ABCA7: variants seen among roughly 807,000 people sequenced by gnomAD.
ABCA7 encodes ATP binding cassette subfamily A member 7.
In ABCA7, 261 loss-of-function variants were observed where a neutral mutation model predicts 227.6. That is an observed-to-expected ratio of 1.15 (90% confidence interval 1.04 to 1.27). ABCA7 has a LOEUF of 1.27. ABCA7 is among the 50% of genes most tolerant of loss of function. The probability of loss-of-function intolerance (pLI) is 0.00; values close to 1 mark genes in which losing one functional copy is unlikely to be tolerated. For synonymous variants in ABCA7, 1,488 were observed against 1,279.7 expected (o/e 1.16, Z -3.47); for missense variants, 3,331 against 2,924.5 (o/e 1.14, Z -3.21).
At position 1,044,787 on chromosome 19, in the gene ABCA7, G is replaced by C. The variant is rs748181239; in HGVS notation, c.1215+43G>C. ...TGCGGGGTCTGTTTCAGTGGGGAGG[G>C]CAGGTCCCATCCTAGTGTTCCCACC... On this transcript the variant is annotated intron_variant, in intron 11 of 46. Transcript: ENST00000263094. 9.0e-6 allele frequency: 14 copies of C among 1,554,268 alleles called. No individual in the cohort carries two copies. The African/African-American group carries it at 1.8e-4, about 20-fold the overall frequency.
Position 1,046,419 on chromosome 19 carries a change from A to G in ABCA7, c.1622+13A>G, listed in dbSNP as rs760478792. On this transcript the variant is annotated intron_variant, in intron 13 of 46. Coordinates refer to ENST00000263094, the MANE Select transcript of ABCA7 (RefSeq NM_019112.4). ...ATGTGGACGACGTGTGAGCTCTGGCACCCCTCCCCGCTCTTCCCCGCGGCG... is the reference window on the plus strand; with the variant it reads ...ATGTGGACGACGTGTGAGCTCTGGCGCCCCTCCCCGCTCTTCCCCGCGGCG... The G allele has an allele frequency of 6.5e-7, 1 of 1,530,330 alleles. No individual in the cohort carries two copies. The highest frequency in any genetic ancestry group is 1.2e-5 in the South Asian group (1 of 80,506). 94.8% of individuals were successfully genotyped at this position (1,530,330 alleles called of 1,614,324 possible).
intron 30 of ABCA7, among the ~76,000 whole-genome samples, chr19:1,055,649 C>T (rs986269681): frequency 2.0e-5 from 3 of 151,876 alleles, no homozygotes; most frequent in African/African-American, 4.8e-5. Flanking sequence ...ATTACAGGCA[C>T]GCACCACCAC....
chr19:1,047,789 A>G, intron 16 of ABCA7, 135 bp downstream of exon 16: 1 of 1,044,632 alleles, frequency 9.6e-7, no homozygotes, highest in Non-Finnish European at 1.3e-6. Context: ...GCTTCTTGGC[A>G]CACGCATGCA....
At chr19:1,046,520 C>T in intron 13 of ABCA7, 114 bp downstream of exon 13, 7 of 1,383,894 alleles carry the variant, frequency 5.1e-6, no homozygotes, top group Non-Finnish European at 6.8e-6. Flanking sequence ...AACTTTGCAC[C>T]TTTACACCAC....
In ABCA7 at chr19:1,043,373, A is replaced by G. The variant is rs1012888834; in HGVS notation, c.830A>G (p.His277Arg). The G allele has an allele frequency of 6.2e-7, 1 of 1,612,896 alleles. No individual in the cohort carries two copies. The change falls in exon 9 of 47, where the codon CAC (histidine) becomes CGC (arginine). Residue 277 changes from histidine (H) to arginine (R), a missense_variant. Coordinates refer to ENST00000263094, the MANE Select transcript of ABCA7 (RefSeq NM_019112.4). ...GAGCTGATTGGAGCCCTGGACAGCC[A>G]CCCGCTGTCCCGCCTGCTCTGGAGA... ...CSELIGALDS[H>R]PLSRLLWRRL...
intron 45 of ABCA7, 122 bp from the exon 46 acceptor site, chr19:1,064,809 C>T: frequency 1.4e-6 from 2 of 1,393,942 alleles, no homozygotes; most frequent in Non-Finnish European, 1.9e-6. Flanking sequence ...ACGGGAGGAC[C>T]ACTTGATCGC....
At chr19:1,050,894 G>GT (rs2041552551) in intron 18 of ABCA7, 27 bp from the exon 19 acceptor site, 1 of 1,558,226 alleles carries the variant, frequency 6.4e-7, no homozygotes, top group Non-Finnish European at 8.7e-7. Context: ...TGTGAAGGGG[G>GT]CTACTCTGAG....
In ABCA7 at chr19:1,045,170, G is replaced by T; in HGVS notation, c.1384G>T (p.Val462Leu). 6.2e-7 allele frequency: 1 copy of T among 1,612,856 alleles called. No individual in the cohort carries two copies. The highest frequency in any genetic ancestry group is 8.5e-7 in the Non-Finnish European group (1 of 1,180,002). ...AACCCCAGACCTGGGCCCCGGCCACGTGCGCATCAAAATCCGCATGGACAT... is the reference window on the plus strand; with the variant it reads ...AACCCCAGACCTGGGCCCCGGCCACTTGCGCATCAAAATCCGCATGGACAT... The part of the protein sequence containing the change: ...HPTPDLGPGH[V>L]RIKIRMDIDV... Residue 462 changes from valine (V) to leucine (L), a missense_variant, in exon 12 of 47, where the codon GTG (valine) becomes TTG (leucine). Val to Leu is a conservative substitution (Grantham distance 32). Transcript: ENST00000263094.
rs747692429 is a variant in ABCA7, at chr19:1,058,165, G to A, written c.5045G>A (p.Arg1682Gln). The A allele has an allele frequency of 1.4e-5, 22 of 1,613,714 alleles. No homozygotes were observed. Among genetic ancestry groups the A allele is most frequent in the East Asian group, 6.7e-5 (3 of 44,870 alleles). Reference sequence around the variant, plus strand: ...GAGCAGAAGCTGCAGGAGGTGAGCCGGATCTTGAAACAGGTCTTCCTTATC... The same window carrying A: ...GAGCAGAAGCTGCAGGAGGTGAGCCAGATCTTGAAACAGGTCTTCCTTATC... The part of the protein sequence containing the change: ...FSDQKLQEVS[R>Q]ILKQVFLIFP... Residue 1682 changes from arginine (R) to glutamine (Q), a missense_variant, in exon 37 of 47, where the codon CGG becomes CAG. Coordinates refer to ENST00000263094, the MANE Select transcript of ABCA7 (RefSeq NM_019112.4).
chr19:1,058,344 G>A (rs913626121), intron 37 of ABCA7, 75 bp downstream of exon 37: 2 of 1,566,820 alleles, frequency 1.3e-6, no homozygotes, highest in African/African-American at 1.4e-5. Context: ...TAATTATACA[G>A]AGTGGAGAAA....
chr19:1,042,705 G>A, intron 6 of ABCA7, 41 bp from the exon 7 acceptor site: 1 of 1,592,094 alleles, frequency 6.3e-7, no homozygotes, highest in South Asian at 1.1e-5. Flanking sequence ...CCCCTAGTGA[G>A]TGTTCAAAAT....
rs754437226 is a variant in ABCA7 at position 1,041,585 on chromosome 19, C to T, written c.142C>T (p.Pro48Ser). Residue 48 changes from proline to serine, a missense_variant, in exon 3 of 47, where the codon CCC becomes TCC. By Grantham distance (74) the Pro-to-Ser change is moderately conservative (BLOSUM62 -1). Coordinates refer to ENST00000263094, the MANE Select transcript of ABCA7 (RefSeq NM_019112.4). ...GGTGGCTGTTCGCCACTCCCACCCG[C>T]CCCTGGAGCACCATGAATGTGAGCC... ...ILVAVRHSHP[P>S]LEHHECHFPN... 6.2e-7 allele frequency: 1 copy of T among 1,612,536 alleles called. No individual in the cohort carries two copies. The highest frequency in any genetic ancestry group is 1.1e-5 in the South Asian group (1 of 91,082).
rs1183757007 is a variant in ABCA7 at position 1,063,741 on chromosome 19, G to C, written c.5848-19G>C. 6.5e-7 allele frequency: 1 copy of C among 1,548,666 alleles called. No individual in the cohort carries two copies. The highest frequency in any genetic ancestry group is 1.2e-5 in the South Asian group (1 of 84,494). On this transcript the variant is annotated intron_variant, in intron 43 of 46. Coordinates refer to ENST00000263094, the MANE Select transcript of ABCA7 (RefSeq NM_019112.4). The stretch of plus-strand genomic sequence containing the variant: ...GACGGAGGCGGGGCCTTGCTTATGG[G>C]ATCTTCCGTGCTCCCCAGGACGAGC...
rs1410481880 is a variant in ABCA7 at position 1,065,424 on chromosome 19, G to C, written c.6440G>C (p.Ter2147SerextTer38). 6.2e-7 allele frequency: 1 copy of C among 1,613,134 alleles called. No homozygotes were observed. Among genetic ancestry groups the C allele is most frequent in the East Asian group, 2.2e-5 (1 of 44,872 alleles). Residue 2147 changes from the stop codon to serine (S), a stop_lost, in exon 47 of 47, where the codon TGA becomes TCA. Coordinates refer to ENST00000263094, the MANE Select transcript of ABCA7 (RefSeq NM_019112.4). ...DDPSTAETVL[*>S] is the part of the protein sequence containing the mutation. ...CCTAGCACTGCCGAGACTGTGCTCTGAGCCTCCCTCCCCTGCGGGGCCGCG... is the reference window on the plus strand; with the variant it reads ...CCTAGCACTGCCGAGACTGTGCTCTCAGCCTCCCTCCCCTGCGGGGCCGCG...
At chr19:1,048,518 A>C (rs893655126) in intron 16 of ABCA7, among the ~76,000 whole-genome samples, 17 of 141,214 alleles carry the variant, frequency 1.2e-4, no homozygotes, top group African/African-American at 4.0e-4. Flanking sequence ...AACAAAAAAA[A>C]AAAAAACAAG....
chr19:1,064,956 C>A lies in ABCA7; in HGVS notation c.6070C>A (p.Leu2024Met), dbSNP rs1181754787. ...ATTCGCGGCGGGTCACACACTGACC[C>A]TGCGGGTGCCCGCCGCAAGGTCCCA... ...GRFAAGHTLT[L>M]RVPAARSQPA... Residue 2024 changes from leucine to methionine, a missense_variant, in exon 46 of 47, where the codon CTG (leucine) becomes ATG (methionine). Leu to Met is a conservative substitution (Grantham distance 15, BLOSUM62 2). Coordinates refer to ENST00000263094, the MANE Select transcript of ABCA7 (RefSeq NM_019112.4). 4.5e-6 allele frequency: 7 copies of A among 1,542,558 alleles called. No individual in the cohort carries two copies. Among genetic ancestry groups the A allele is most frequent in the South Asian group, 1.2e-5 (1 of 83,822 alleles).
chr19:1,048,496 C>CAAAAAAAAAAAAAAAAA (rs1234415864), intron 16 of ABCA7, among the ~76,000 whole-genome samples: 2 of 21,628 alleles, frequency 9.2e-5, no homozygotes, highest in African/African-American at 3.7e-4. Flanking sequence ...AACTCAGTCT[C>CAAAAAAAAAAAAAAAAA]AAAAAAAAAA....
At chr19:1,063,474 C>CGCCACACTGTGGCCCT in intron 42 of ABCA7, 70 bp from the exon 43 acceptor site, 3 of 1,562,278 alleles carry the variant, frequency 1.9e-6, no homozygotes, top group Non-Finnish European at 2.6e-6. Flanking sequence ...ATGCTGGCCC[C>CGCCACACTGTGGCCCT]GCCACACTGT....
chr19:1,064,287 T>A, intron 45 of ABCA7, 34 bp downstream of exon 45: 1 of 1,528,652 alleles, frequency 6.5e-7, no homozygotes, highest in Non-Finnish European at 8.8e-7. Context: ...AGGTGTGGGG[T>A]GAGGGTGGGC....
Sources: allele counts gnomAD v4.1 joint callset (sites outside exome capture counted in the v4.1 genomes callset), GRCh38; gene constraint gnomAD v4.1.1; transcripts MANE v1.5; gene names NCBI Gene and HGNC (gene_info 2026-07-23, HGNC 2026-07-21).